CBLB: variants seen among roughly 807,000 people sequenced by gnomAD.
CBLB encodes the protein Cbl proto-oncogene B.
In CBLB, 31 loss-of-function variants were observed where a neutral mutation model predicts 104.9. The ratio of observed to expected loss-of-function variants is 0.30; its 90% CI spans 0.22 to 0.40. The LOEUF (loss-of-function observed/expected upper bound fraction) is 0.40. Among genes scored for constraint, CBLB ranks in the 10% least tolerant of loss-of-function variants. The pLI, the probability that CBLB is intolerant of heterozygous loss-of-function variation, is 1.00. For missense variants in CBLB, 1,062 were observed against 1,214.6 expected, an observed-to-expected ratio of 0.87 and a Z score of 1.87; for synonymous variants, 440 against 422.6, an observed-to-expected ratio of 1.04 and a Z score of -0.51.
intron 3 of CBLB, among the ~76,000 whole-genome samples, chr3:105,835,889 T>A (rs935938315): frequency 2.0e-5 from 3 of 152,154 alleles, no homozygotes; most frequent in African/African-American, 7.2e-5. Context: ...CAGTTTACAA[T>A]AAATGCATAC....
intron 3 of CBLB, among the ~76,000 whole-genome samples, chr3:105,787,684 T>C (rs1577196998): frequency 6.6e-6 from 1 of 152,334 alleles, no homozygotes; most frequent in East Asian, 1.9e-4. Flanking sequence ...ACTGAAGAAA[T>C]CCTGAAGGCA....
intron 3 of CBLB, among the ~76,000 whole-genome samples, chr3:105,816,553 A>C (rs968287064): frequency 6.6e-6 from 1 of 152,310 alleles, no homozygotes; most frequent in African/African-American, 2.4e-5. Context: ...TTTTTAAATA[A>C]TAAAAGCACT....
At chr3:105,717,026 T>C (rs1053926219) in intron 10 of CBLB, among the ~76,000 whole-genome samples, 10 of 152,302 alleles carry the variant, frequency 6.6e-5, no homozygotes, top group African/African-American at 2.2e-4. Context: ...TCTCATGTTA[T>C]GTTCCCAGCA....
At position 105,713,782 on chromosome 3, in the gene CBLB, G is replaced by A. The variant is rs117202545; in HGVS notation, c.1407+6265C>T. On this transcript the variant is annotated intron_variant, in intron 10 of 18. Transcript: ENST00000394030. ...CTTCGGATTGCTTACTGTCACTCAC[G>A]GCTCTACCTAAATGTTGTGGGAAGG... Among the ~76,000 whole-genome samples, 4 of 152,236 alleles carry A rather than the reference G, an allele frequency of 2.6e-5. No homozygotes were observed. The East Asian group carries it at 5.8e-4, about 22-fold the overall frequency.
At chr3:105,806,196 A>T (rs1330490985) in intron 3 of CBLB, among the ~76,000 whole-genome samples, 2 of 152,160 alleles carry the variant, frequency 1.3e-5, no homozygotes, top group Non-Finnish European at 2.9e-5. Flanking sequence ...TTCTGGGTTT[A>T]AAAACTCAGA....
At chr3:105,814,474 A>T (rs2084740190) in intron 3 of CBLB, among the ~76,000 whole-genome samples, 1 of 152,222 alleles carries the variant, frequency 6.6e-6, no homozygotes, top group African/African-American at 2.4e-5. Context: ...TTAATCAATT[A>T]ACTTCCACCA....
chr3:105,761,093 C>G (rs577499304), intron 4 of CBLB, among the ~76,000 whole-genome samples: 1 of 152,316 alleles, frequency 6.6e-6, no homozygotes, highest in African/African-American at 2.4e-5. Context: ...AGTGCAGTAG[C>G]ATGATCTTGG....
At chr3:105,818,148 T>G (rs2085322386) in intron 3 of CBLB, among the ~76,000 whole-genome samples, 1 of 152,142 alleles carries the variant, frequency 6.6e-6, no homozygotes, top group South Asian at 2.1e-4. Flanking sequence ...CAAAGAAACT[T>G]CTCAGAATGA....
At chr3:105,764,833 A>C (rs1376895630) in intron 4 of CBLB, among the ~76,000 whole-genome samples, 4 of 152,228 alleles carry the variant, frequency 2.6e-5, no homozygotes, top group Admixed American at 2.6e-4. Context: ...ATAAGAAAGC[A>C]AAACAGCCTT....
chr3:105,857,209 G>A (rs968521742), intron 2 of CBLB, among the ~76,000 whole-genome samples: 2 of 152,058 alleles, frequency 1.3e-5, no homozygotes, highest in Non-Finnish European at 2.9e-5. Context: ...AAACGTTTAT[G>A]TTTTACAAAT....
intron 2 of CBLB, among the ~76,000 whole-genome samples, chr3:105,861,458 T>G (rs2092078619): frequency 6.6e-6 from 1 of 152,120 alleles, no homozygotes; most frequent in South Asian, 2.1e-4. Context: ...CTTCTCTGTA[T>G]ATTCCCTTGC....
In CBLB at chr3:105,824,016, A is replaced by G. The variant is rs142113357; in HGVS notation, c.419+29398T>C. On this transcript the variant is annotated intron_variant, in intron 3 of 18. Transcript: ENST00000394030. ...TCTCCCTCACATTCTCACCTTTCCT[A>G]CTTCACCCTTTTGAACTCATAGGTT... 7.7e-3 allele frequency among the ~76,000 whole-genome samples: 1,178 copies of G among 152,046 alleles called. 19 individuals carry two copies. The highest frequency in any genetic ancestry group is 0.026 in the African/African-American group (1,096 of 41,464).
chr3:105,738,665 G>T (rs2075207604), intron 7 of CBLB, among the ~76,000 whole-genome samples: 1 of 151,990 alleles, frequency 6.6e-6, no homozygotes, highest in Admixed American at 6.6e-5. Context: ...CCTATCAGGA[G>T]GTTGTTGATA....
intron 3 of CBLB, among the ~76,000 whole-genome samples, chr3:105,831,339 T>G (rs1453249997): frequency 1.3e-5 from 2 of 152,220 alleles, no homozygotes; most frequent in African/African-American, 2.4e-5. Context: ...GCTTGGGGAA[T>G]AGCTCAAATA....
chr3:105,732,465 G>A (rs773015644), intron 9 of CBLB, among the ~76,000 whole-genome samples: 56 of 152,204 alleles, frequency 3.7e-4, no homozygotes, highest in Middle Eastern at 3.4e-3. Context: ...AAAGAAAAAC[G>A]TAAAACAAAA....
chr3:105,710,449 G>A (rs2152805033), intron 10 of CBLB, among the ~76,000 whole-genome samples: 2 of 151,942 alleles, frequency 1.3e-5, no homozygotes, highest in Middle Eastern at 6.8e-3. Flanking sequence ...GCAAAAGTTG[G>A]GAAAGACACA....
At chr3:105,781,360 T>C (rs2080232195) in intron 3 of CBLB, among the ~76,000 whole-genome samples, 1 of 152,100 alleles carries the variant, frequency 6.6e-6, no homozygotes. Flanking sequence ...TCTTAACAGT[T>C]TAAGGTTGCT....
chr3:105,749,605 C>T (rs1315042614), intron 5 of CBLB: 1 of 158,158 alleles, frequency 6.3e-6, no homozygotes, highest in Admixed American at 6.5e-5. Context: ...AGGCTCACCA[C>T]AAAAAAATAT....
chr3:105,816,515 C>A (rs2085078789), intron 3 of CBLB, among the ~76,000 whole-genome samples: 1 of 152,154 alleles, frequency 6.6e-6, no homozygotes, highest in East Asian at 1.9e-4. Flanking sequence ...ATAAATACTT[C>A]TCACTAATCC....
Sources: gnomAD v4.1 joint callset for allele counts (sites outside exome capture counted in the v4.1 genomes callset) on GRCh38, gnomAD v4.1.1 for gene constraint, MANE v1.5 for transcripts, NCBI Gene and HGNC (gene_info 2026-07-23, HGNC 2026-07-21) for gene names.